The following GTF2F2 variants were observed in gnomAD, a reference collection of about 807,000 sequenced individuals.
GTF2F2 encodes the protein general transcription factor IIF subunit 2.
In GTF2F2, 23 loss-of-function variants were observed where a neutral mutation model predicts 42.2. The ratio of observed to expected loss-of-function variants is 0.55; its 90% CI spans 0.39 to 0.77. The LOEUF is 0.77. Ranked by LOEUF, GTF2F2 falls within the 30% of genes least tolerant of loss-of-function variation. The probability of loss-of-function intolerance (pLI) is 0.00; values close to 1 mark genes in which losing one functional copy is unlikely to be tolerated. For missense variants in GTF2F2, 261 were observed against 287.2 expected (o/e 0.91, Z 0.66); for synonymous variants, 105 against 100.8 (o/e 1.04, Z -0.25).
intron 4 of GTF2F2, chr13:45,192,990 G>A (rs1407948119): frequency 6.6e-6 from 1 of 152,182 alleles, no homozygotes; most frequent in Non-Finnish European, 1.5e-5. Context: ...CAGGGTTCCT[G>A]TAGCCTGCCG....
intron 7 of GTF2F2, among the ~76,000 whole-genome samples, chr13:45,274,735 A>G (rs938203483): frequency 5.9e-5 from 9 of 152,102 alleles, no homozygotes; most frequent in African/African-American, 2.2e-4. Flanking sequence ...TGAGTCAAGG[A>G]GTTCGAGACC....
At chr13:45,173,912 C>T (rs567167819) in intron 4 of GTF2F2, among the ~76,000 whole-genome samples, 24 of 152,118 alleles carry the variant, frequency 1.6e-4, no homozygotes, top group Non-Finnish European at 3.2e-4. Context: ...TCACCGCGCC[C>T]GGCCAACTTT....
intron 7 of GTF2F2, among the ~76,000 whole-genome samples, chr13:45,269,509 A>T (rs1876701972): frequency 6.6e-6 from 1 of 152,210 alleles, no homozygotes; most frequent in African/African-American, 2.4e-5. Context: ...TCCCCCAAGT[A>T]GGCAACTATC....
At chr13:45,221,015 C>T (rs554519465) in intron 5 of GTF2F2, 1 of 152,230 alleles carries the variant, frequency 6.6e-6, no homozygotes, top group Admixed American at 6.5e-5. Context: ...ATTTGTATCT[C>T]TGGCCTAGAC....
intron 4 of GTF2F2, 53 bp from the exon 5 acceptor site, chr13:45,207,371 A>G (rs1325543942): frequency 9.6e-7 from 1 of 1,037,562 alleles, no homozygotes; most frequent in Non-Finnish European, 1.5e-6. Flanking sequence ...GTCAAAATAC[A>G]GTCTTGAAAA....
chr13:45,178,340 G>GCTT lies in GTF2F2; in HGVS notation c.304+26513_304+26515dup, dbSNP rs1610999. On this transcript the variant is annotated intron_variant, in intron 4 of 7. Transcript: ENST00000340473. The stretch of plus-strand genomic sequence containing the variant: ...ACTTGTCCAGTGAGGTTTAAATTAT[G>GCTT]CTTCTTATTTTTTATTTCTAGATGT... 5.3e-3 allele frequency among the ~76,000 whole-genome samples: 802 copies of GCTT among 150,082 alleles called. 5 individuals are homozygous for GCTT. Among genetic ancestry groups the GCTT allele is most frequent in the African/African-American group, 0.019 (774 of 40,884 alleles).
chr13:45,139,664 T>TG (rs1376855986), intron 2 of GTF2F2, among the ~76,000 whole-genome samples: 2 of 152,220 alleles, frequency 1.3e-5, no homozygotes, highest in African/African-American at 2.4e-5. Context: ...ATTCTCCTTC[T>TG]ACTATACCCA....
chr13:45,263,677 G>C (rs1464675250), intron 6 of GTF2F2: 2 of 152,144 alleles, frequency 1.3e-5, no homozygotes, highest in African/African-American at 4.8e-5. Context: ...ACTTAAGATT[G>C]ACATATGCCT....
rs1266864891 is a variant in GTF2F2 at position 45,195,244 on chromosome 13, A to AT, written c.305-12172dup. Among the ~76,000 whole-genome samples, 10 of 152,024 alleles carry AT rather than the reference A, an allele frequency of 6.6e-5. No individual in the cohort carries two copies. The South Asian group carries it at 1.2e-3, about 19-fold the overall frequency. ...AGATCTATGTTAAAGGATGTTAAGA[A>AT]TTTTTTTTATTTTTTATTTTTTATT... On this transcript the variant is annotated intron_variant, in intron 4 of 7. Transcript: ENST00000340473.
intron 1 of GTF2F2, chr13:45,122,982 A>G (rs942892365): frequency 4.6e-5 from 7 of 152,134 alleles, no homozygotes; most frequent in African/African-American, 1.7e-4. Flanking sequence ...ATCATAAAGA[A>G]GGTGACGTTT....
chr13:45,283,387 GTT>G, intron 7 of GTF2F2, 53 bp from the exon 8 acceptor site: 1 of 1,523,768 alleles, frequency 6.6e-7, no homozygotes, highest in Non-Finnish European at 8.9e-7. Context: ...CTTATTTTAA[GTT>G]TTGTCCCCTG....
chr13:45,270,109 C>T (rs1046986523), intron 7 of GTF2F2, among the ~76,000 whole-genome samples: 4 of 152,072 alleles, frequency 2.6e-5, no homozygotes, highest in South Asian at 2.1e-4. Context: ...TGAGATTACA[C>T]GTGAGCTACC....
At chr13:45,242,360 G>A (rs1875360549) in intron 5 of GTF2F2, among the ~76,000 whole-genome samples, 1 of 146,536 alleles carries the variant, frequency 6.8e-6, no homozygotes, top group African/African-American at 2.5e-5. Flanking sequence ...GCTTCTTGCT[G>A]TGAAAACTTT....
At chr13:45,153,765 G>C (rs1166865566) in intron 4 of GTF2F2, among the ~76,000 whole-genome samples, 3 of 151,926 alleles carry the variant, frequency 2.0e-5, no homozygotes, top group African/African-American at 7.3e-5. Context: ...ATCACCTGAG[G>C]CCAGGAGTCC....
intron 4 of GTF2F2, among the ~76,000 whole-genome samples, chr13:45,159,513 C>G (rs1199401571): frequency 6.6e-6 from 1 of 152,268 alleles, no homozygotes; most frequent in Admixed American, 6.5e-5. Flanking sequence ...GCCTCAGCCT[C>G]CCGAGTAGCA....
chr13:45,169,170 A>C (rs1325447336), intron 4 of GTF2F2, among the ~76,000 whole-genome samples: 2 of 151,988 alleles, frequency 1.3e-5, no homozygotes, highest in African/African-American at 4.8e-5. Flanking sequence ...CCAAATTCAT[A>C]GGTTGAAGTC....
chr13:45,145,753 C>G (rs1870158860), intron 2 of GTF2F2, among the ~76,000 whole-genome samples: 1 of 152,182 alleles, frequency 6.6e-6, no homozygotes, highest in Non-Finnish European at 1.5e-5. Flanking sequence ...GTTCCCAACT[C>G]CATGTGCAAA....
intron 5 of GTF2F2, among the ~76,000 whole-genome samples, chr13:45,221,963 G>A (rs1298492516): frequency 4.6e-5 from 7 of 151,908 alleles, no homozygotes; most frequent in Non-Finnish European, 1.0e-4. Context: ...TTCCAACCAT[G>A]CAGTTCTCTC....
chr13:45,212,455 C>CTTTCTTTTCTTTTCT (rs71184403), intron 5 of GTF2F2, among the ~76,000 whole-genome samples: 2,819 of 96,574 alleles, frequency 0.029, 205 homozygotes, highest in African/African-American at 0.079. Context: ...TTGTTTCTTT[C>CTTTCTTTTCTTTTCT]TTTCTTTCTT....
Sources: gnomAD v4.1 joint callset for allele counts (sites outside exome capture counted in the v4.1 genomes callset) on GRCh38, gnomAD v4.1.1 for gene constraint, MANE v1.5 for transcripts, NCBI Gene and HGNC (gene_info 2026-07-23, HGNC 2026-07-21) for gene names.